FOXP2: variants seen among roughly 807,000 people sequenced by gnomAD.
FOXP2 encodes the protein forkhead box protein P2.
Under a neutral mutation model 115.8 loss-of-function variants are expected in FOXP2, and 12 were observed. The ratio of observed to expected loss-of-function variants is 0.10; its 90% confidence interval spans 0.07 to 0.17. FOXP2 has a LOEUF of 0.17. Among genes scored for constraint, FOXP2 ranks in the 10% least tolerant of loss-of-function variants. The pLI, the probability that FOXP2 is intolerant of heterozygous loss-of-function variation, is 1.00. For synonymous variants in FOXP2, 328 were observed against 297.7 expected, an observed-to-expected ratio of 1.10 and a Z score of -1.05; for missense variants, 629 against 843.5, an observed-to-expected ratio of 0.75 and a Z score of 3.15.
intron 2 of FOXP2, among the ~76,000 whole-genome samples, chr7:114,406,856 G>C (rs1328701307): frequency 1.3e-5 from 2 of 151,808 alleles, no homozygotes; most frequent in Non-Finnish European, 1.5e-5. Context: ...TATCGCTACA[G>C]TACAGTATAT....
intron 3 of FOXP2, among the ~76,000 whole-genome samples, chr7:114,540,264 A>G (rs981755040): frequency 6.6e-6 from 1 of 152,010 alleles, no homozygotes; most frequent in African/African-American, 2.4e-5. Context: ...CTCTCCAAAC[A>G]TAAACTTATA....
intron 1 of FOXP2, among the ~76,000 whole-genome samples, chr7:114,260,874 G>A (rs983417807): frequency 6.0e-5 from 9 of 150,964 alleles, no homozygotes; most frequent in African/African-American, 1.2e-4. Flanking sequence ...GCAATTAACC[G>A]AACACATGAA....
chr7:114,251,964 C>T (rs889693435), intron 1 of FOXP2, among the ~76,000 whole-genome samples: 28 of 152,144 alleles, frequency 1.8e-4, no homozygotes, highest in Non-Finnish European at 4.0e-4. Context: ...AGATACATCC[C>T]ATCAATACCT....
chr7:114,663,359 C>T (rs1271023357), intron 14 of FOXP2, 91 bp from the exon 15 acceptor site: 3 of 946,108 alleles, frequency 3.2e-6, no homozygotes, highest in Non-Finnish European at 5.0e-6. Context: ...TAGTGTGAGA[C>T]AAGCCAGAAC....
chr7:114,361,400 C>T (rs923603342), intron 2 of FOXP2, among the ~76,000 whole-genome samples: 1 of 151,792 alleles, frequency 6.6e-6, no homozygotes, highest in Admixed American at 6.6e-5. Context: ...AGGTAGTTGC[C>T]ATATTAAATT....
chr7:114,631,233 T>C (rs1242447313), intron 5 of FOXP2, among the ~76,000 whole-genome samples: 2 of 152,192 alleles, frequency 1.3e-5, no homozygotes, highest in African/African-American at 4.8e-5. Flanking sequence ...TAGAGAAATG[T>C]ATTATTATCT....
rs539474786 is a variant in FOXP2 at position 114,626,057 on chromosome 7, T to TA, written c.259-2477dup. 4.8e-3 allele frequency among the ~76,000 whole-genome samples: 734 copies of TA among 151,938 alleles called. 8 individuals carry two copies. Among genetic ancestry groups the TA allele is most frequent in the African/African-American group, 0.017 (707 of 41,528 alleles). On this transcript the variant is annotated intron_variant, in intron 3 of 16. Transcript: ENST00000350908. ...GTAGGCCAGAATCTGATTAAAATTTTAAAAAATCACATACATGTGACCATT... is the reference window on the plus strand; with the variant it reads ...GTAGGCCAGAATCTGATTAAAATTTTAAAAAAATCACATACATGTGACCATT...
rs1389018410 is a variant in FOXP2, at chr7:114,692,036, C to A, written c.*2110C>A. The A allele has an allele frequency of 6.6e-6, 3 of 453,494 alleles. No homozygotes were observed. Among genetic ancestry groups the A allele is most frequent in the South Asian group, 4.7e-5 (3 of 64,380 alleles). The allele number at this position is 453,494 out of a possible 1,614,324, so 28.1% of individuals were successfully genotyped here. On this transcript the variant is annotated 3_prime_UTR_variant, in exon 17 of 17. Coordinates refer to ENST00000350908, the MANE Select transcript of FOXP2 (RefSeq NM_014491.4). ...AACTGCTACTTTTCATTATGTTTGT[C>A]TTTGGGTCATGATCAACGAACCGGA...
intron 1 of FOXP2, among the ~76,000 whole-genome samples, chr7:114,157,045 C>G (rs1792690826): frequency 6.6e-6 from 1 of 152,026 alleles, no homozygotes; most frequent in African/African-American, 2.4e-5. Context: ...TTATTTCTTG[C>G]AGTTGATGAA....
chr7:114,560,129 A>G (rs1449510581), intron 3 of FOXP2, among the ~76,000 whole-genome samples: 1 of 152,180 alleles, frequency 6.6e-6, no homozygotes, highest in African/African-American at 2.4e-5. Flanking sequence ...GAATGAGTAT[A>G]TAGTGTTAAA....
At chr7:114,651,543 A>G (rs1025532322) in intron 8 of FOXP2, among the ~76,000 whole-genome samples, 4 of 152,130 alleles carry the variant, frequency 2.6e-5, no homozygotes, top group Non-Finnish European at 4.4e-5. Flanking sequence ...TCAAGGTTAG[A>G]GTGAGATCAT....
chr7:114,574,295 A>G (rs926650118), intron 3 of FOXP2, among the ~76,000 whole-genome samples: 1 of 151,822 alleles, frequency 6.6e-6, no homozygotes, highest in Non-Finnish European at 1.5e-5. Flanking sequence ...TTAATAGATA[A>G]AAAAGCATTA....
At chr7:114,508,262 C>G (rs890216956) in intron 2 of FOXP2, among the ~76,000 whole-genome samples, 1 of 151,794 alleles carries the variant, frequency 6.6e-6, no homozygotes, top group Non-Finnish European at 1.5e-5. Flanking sequence ...TTGAGAAATA[C>G]ACAAAAGGAG....
At chr7:114,176,420 C>T (rs925231557) in intron 1 of FOXP2, among the ~76,000 whole-genome samples, 1 of 151,218 alleles carries the variant, frequency 6.6e-6, no homozygotes, top group Admixed American at 6.6e-5. Context: ...CTCACTGCAG[C>T]CTCAACCTCC....
At chr7:114,392,792 C>T (rs1029333707) in intron 2 of FOXP2, among the ~76,000 whole-genome samples, 15 of 152,178 alleles carry the variant, frequency 9.9e-5, no homozygotes, top group African/African-American at 2.9e-4. Context: ...TCATTCAGAA[C>T]CAACTTAGTA....
intron 2 of FOXP2, among the ~76,000 whole-genome samples, chr7:114,339,495 C>A (rs1399955940): frequency 1.3e-5 from 2 of 150,788 alleles, no homozygotes; most frequent in East Asian, 1.9e-4. Flanking sequence ...CTTTTTCTTT[C>A]GTATGTTTAG....
intron 2 of FOXP2, among the ~76,000 whole-genome samples, chr7:114,494,272 G>A (rs996391337): frequency 2.0e-5 from 3 of 152,216 alleles, no homozygotes; most frequent in Admixed American, 6.5e-5. Flanking sequence ...TTACTCCTAA[G>A]TTGCAGTTCA....
chr7:114,151,523 G>T (rs377558634), intron 1 of FOXP2, among the ~76,000 whole-genome samples: 1 of 151,962 alleles, frequency 6.6e-6, no homozygotes, highest in East Asian at 1.9e-4. Context: ...TAATCATAGA[G>T]AATTTATTTA....
At chr7:114,515,885 A>G (rs537938094) in intron 2 of FOXP2, among the ~76,000 whole-genome samples, 136 of 152,266 alleles carry the variant, frequency 8.9e-4, no homozygotes, top group African/African-American at 2.9e-3. Flanking sequence ...GAGAACTACA[A>G]ACCACTGCTC....
Sources: allele counts gnomAD v4.1 joint callset (sites outside exome capture counted in the v4.1 genomes callset), GRCh38; gene constraint gnomAD v4.1.1; transcripts MANE v1.5; gene names NCBI Gene and HGNC (gene_info 2026-07-23, HGNC 2026-07-21).